Variants in IQCK observed in about 807,000 individuals in gnomAD.
IQCK encodes the protein IQ domain-containing protein K.
Under a neutral mutation model 28.1 loss-of-function variants are expected in IQCK, and 29 were observed. That is an observed-to-expected ratio of 1.03 (90% CI 0.77 to 1.41). The LOEUF (loss-of-function observed/expected upper bound fraction) is 1.41, where lower values mean the gene tolerates loss of function less well. Ranked by LOEUF, IQCK falls within the 40% of genes most tolerant of loss-of-function variation. The pLI is 0.00. For synonymous variants in IQCK, 113 were observed against 115.1 expected (o/e 0.98, Z 0.12); for missense variants, 359 against 314.7 (o/e 1.14, Z -1.07).
intron 4 of IQCK, among the ~76,000 whole-genome samples, chr16:19,752,266 G>A (rs533035961): frequency 6.6e-6 from 1 of 152,282 alleles, no homozygotes; most frequent in Admixed American, 6.5e-5. Flanking sequence ...CTGGCTCAGT[G>A]GCTACATTGC....
At chr16:19,740,748 A>G (rs1202275513) in intron 4 of IQCK, among the ~76,000 whole-genome samples, 1 of 151,998 alleles carries the variant, frequency 6.6e-6, no homozygotes. Context: ...AGGCATGTGG[A>G]TCATGCAGTC....
intron 9 of IQCK, among the ~76,000 whole-genome samples, chr16:19,841,847 C>CTTT (rs35552172): frequency 7.0e-6 from 1 of 143,516 alleles, no homozygotes; most frequent in Non-Finnish European, 1.5e-5. Flanking sequence ...TGTAAGCCAT[C>CTTT]TTTTTTTTTT....
At chr16:19,751,581 T>A (rs1296066326) in intron 4 of IQCK, among the ~76,000 whole-genome samples, 1 of 152,146 alleles carries the variant, frequency 6.6e-6, no homozygotes, top group Non-Finnish European at 1.5e-5. Context: ...GGGGTCCAGG[T>A]AGGCAATGAG....
chr16:19,742,600 C>T (rs2054853069), intron 4 of IQCK, among the ~76,000 whole-genome samples: 1 of 152,232 alleles, frequency 6.6e-6, no homozygotes. Context: ...CTGTCACCCA[C>T]AACTGAACTT....
At chr16:19,846,769 A>C (rs2056419164) in intron 9 of IQCK, among the ~76,000 whole-genome samples, 1 of 152,366 alleles carries the variant, frequency 6.6e-6, no homozygotes, top group East Asian at 1.9e-4. Context: ...CTTTGTAGAA[A>C]GGAATCTTCC....
chr16:19,848,157 G>C (rs542704241), intron 9 of IQCK, among the ~76,000 whole-genome samples: 1 of 152,350 alleles, frequency 6.6e-6, no homozygotes, highest in South Asian at 2.1e-4. Context: ...TACCAACAAT[G>C]AGTGTGATGA....
chr16:19,828,204 G>A (rs554986786), downstream of IQCK, among the ~76,000 whole-genome samples: 43 of 149,356 alleles, frequency 2.9e-4, 1 homozygote, highest in South Asian at 9.0e-3. Context: ...GAGCCAGCGC[G>A]CCTGGCTGAT....
intron 1 of IQCK, among the ~76,000 whole-genome samples, chr16:19,721,045 A>T (rs1977480198): frequency 6.6e-6 from 1 of 152,118 alleles, no homozygotes; most frequent in African/African-American, 2.4e-5. Flanking sequence ...TGAGGTCAAC[A>T]TTGGCAAACT....
rs555935225 is a variant in IQCK, at chr16:19,825,243, G to A, written c.691-1783G>A. 5.3e-5 allele frequency among the ~76,000 whole-genome samples: 8 copies of A among 152,200 alleles called. No individual in the cohort carries two copies. Among genetic ancestry groups the A allele is most frequent in the South Asian group, 2.1e-4 (1 of 4,818 alleles). The stretch of plus-strand genomic sequence containing the variant: ...GTGATTCAAATTTGTAAAATAGGCC[G>A]GGAGCAGTGGCTTATACCTGTAATC... On this transcript the variant is annotated intron_variant, in intron 7 of 7. Transcript: ENST00000564186. This position sits in a 1 kb window ranked among gnomAD's most constrained non-coding sequence, Gnocchi z 4.2.
intron 7 of IQCK, among the ~76,000 whole-genome samples, chr16:19,810,368 G>C (rs1480470790): frequency 6.6e-6 from 1 of 151,824 alleles, no homozygotes; most frequent in Non-Finnish European, 1.5e-5. Context: ...GTGGTGGCGG[G>C]TGCCTGTAGT....
chr16:19,781,053 GT>G (rs1194260531), intron 6 of IQCK, among the ~76,000 whole-genome samples: 1 of 152,132 alleles, frequency 6.6e-6, no homozygotes, highest in Non-Finnish European at 1.5e-5. Context: ...GGGTGGGGAG[GT>G]AGGTGGTCTG....
chr16:19,718,489 T>C lies in IQCK; in HGVS notation c.181+2T>C, dbSNP rs773027258. The C allele has an allele frequency of 4.4e-6, 7 of 1,599,652 alleles. No homozygotes were observed. Among genetic ancestry groups the C allele is most frequent in the Non-Finnish European group, 6.0e-6 (7 of 1,174,332 alleles). Reference sequence around the variant, plus strand: ...ATCTGTGGGAGCAGATCTGCAAGGGTAGGAAACCTGGGCTGGCCGAGAGGG... The same window carrying C: ...ATCTGTGGGAGCAGATCTGCAAGGGCAGGAAACCTGGGCTGGCCGAGAGGG... On this transcript the variant is annotated splice_donor_variant, in intron 1 of 7. Coordinates refer to ENST00000564186, the Ensembl canonical transcript of IQCK. LOFTEE classifies it high-confidence loss of function.
chr16:19,763,127 C>T (rs1304056083), intron 4 of IQCK, among the ~76,000 whole-genome samples: 3 of 151,978 alleles, frequency 2.0e-5, no homozygotes, highest in Non-Finnish European at 4.4e-5. Context: ...ATTATATACT[C>T]GAAACTTAAC....
rs1417104976 is a variant in IQCK at position 19,801,503 on chromosome 16, T to A, written c.690+12581T>A. ...TATTTTTTGTAGAGATGGGGTTTCATCATGTTGCCCAGGCTGGTCTTGATC... is the reference window on the plus strand; with the variant it reads ...TATTTTTTGTAGAGATGGGGTTTCAACATGTTGCCCAGGCTGGTCTTGATC... On this transcript the variant is annotated intron_variant, in intron 7 of 7. Coordinates refer to ENST00000564186, the Ensembl canonical transcript of IQCK. 2.1e-5 allele frequency among the ~76,000 whole-genome samples: 3 copies of A among 143,722 alleles called. No homozygotes were observed. The East Asian group carries it at 5.9e-4, about 28-fold the overall frequency. 94.3% of individuals were successfully genotyped at this position (143,722 alleles called of 152,430 possible). A position where few individuals can be genotyped will look rare whatever the true frequency, so the allele number is the denominator to read the frequency against.
At chr16:19,822,989 G>A (rs1277514854) in intron 7 of IQCK, among the ~76,000 whole-genome samples, 2 of 152,136 alleles carry the variant, frequency 1.3e-5, no homozygotes, top group African/African-American at 4.8e-5. Context: ...TCTATCAATA[G>A]GGGATAGACG....
intron 9 of IQCK, among the ~76,000 whole-genome samples, chr16:19,839,273 G>A (rs2056336519): frequency 1.3e-5 from 2 of 151,656 alleles, no homozygotes; most frequent in Admixed American, 6.6e-5. Context: ...GGTTCCTCCT[G>A]CCTCAGCCTC....
intron 6 of IQCK, among the ~76,000 whole-genome samples, chr16:19,782,118 T>C (rs2055493660): frequency 6.6e-6 from 1 of 152,218 alleles, no homozygotes; most frequent in Non-Finnish European, 1.5e-5. Context: ...TACTGGTGTA[T>C]TGCAAAACTT....
chr16:19,776,089 G>C (rs8045761), intron 6 of IQCK, among the ~76,000 whole-genome samples: 51,821 of 151,576 alleles, frequency 0.34, 13,892 homozygotes, highest in African/African-American at 0.75. Flanking sequence ...CTATGTTAGC[G>C]AGACTGGTCA....
At chr16:19,833,888 C>T (rs1302642650) in intron 9 of IQCK, among the ~76,000 whole-genome samples, 4 of 151,878 alleles carry the variant, frequency 2.6e-5, no homozygotes, top group Non-Finnish European at 5.9e-5. Context: ...CCTAGGAGTT[C>T]GAGACCAGCC....
Sources: gnomAD v4.1 joint callset for allele counts (sites outside exome capture counted in the v4.1 genomes callset) on GRCh38, gnomAD v4.1.1 for gene constraint, Gnocchi (gnomAD v3.1) non-coding constraint, MANE v1.5 for transcripts, NCBI Gene and HGNC (gene_info 2026-07-23, HGNC 2026-07-21) for gene names.